KCNJ10: variants seen among roughly 807,000 people sequenced by gnomAD.
KCNJ10 encodes the protein potassium inwardly rectifying channel subfamily J member 10.
In KCNJ10, 9 loss-of-function variants were observed where a neutral mutation model predicts 22.2. The ratio of observed to expected loss-of-function variants is 0.40; its 90% confidence interval spans 0.24 to 0.71. The LOEUF (loss-of-function observed/expected upper bound fraction) is 0.71, where lower values mean the gene tolerates loss of function less well. Ranked by LOEUF, KCNJ10 falls within the 30% of genes least tolerant of loss-of-function variation. The pLI is 0.35. For synonymous variants in KCNJ10, 184 were observed against 187.3 expected (o/e 0.98, Z 0.15); for missense variants, 337 against 482.7 (o/e 0.70, Z 2.83).
intron 1 of KCNJ10, among the ~76,000 whole-genome samples, chr1:160,057,506 C>A (rs769643202): frequency 2.0e-5 from 3 of 152,328 alleles, no homozygotes; most frequent in East Asian, 1.9e-4. Context: ...TCTCAGCCTG[C>A]CAAGAGGTGG....
chr1:160,063,897 TATTATGTCATTTAATTCTCAACA>T (rs1335349506), intron 1 of KCNJ10, among the ~76,000 whole-genome samples: 1 of 152,272 alleles, frequency 6.6e-6, no homozygotes, highest in Non-Finnish European at 1.5e-5. Context: ...AGCCCTTTCC[TATTATGTCATTTAATTCTCAACA>T]ACTCTAAAGG....
In KCNJ10 at chr1:160,040,729, G is replaced by T. The variant is rs1020011282; in HGVS notation, c.*664C>A. 5.0e-6 allele frequency: 2 copies of T among 398,144 alleles called. No homozygotes were observed. Among genetic ancestry groups the T allele is most frequent in the Non-Finnish European group, 8.8e-6 (2 of 226,250 alleles). The allele number at this position is 398,144 out of a possible 1,614,324, so 24.7% of individuals were successfully genotyped here. A position where few individuals can be genotyped will look rare whatever the true frequency, so the allele number is the denominator to read the frequency against. On this transcript the variant is annotated 3_prime_UTR_variant, in exon 2 of 2. Transcript: ENST00000644903. The stretch of plus-strand genomic sequence containing the variant: ...TCTTGGGCCAACTCCAATTCTCTGA[G>T]AACAGAGGCTATGAGGGAACTGGGT...
At chr1:160,055,945 C>G (rs958351742) in intron 1 of KCNJ10, among the ~76,000 whole-genome samples, 10 of 152,174 alleles carry the variant, frequency 6.6e-5, no homozygotes, top group African/African-American at 2.4e-4. Context: ...TGGAGCATTC[C>G]AATTTTAACA....
At chr1:160,051,672 T>G (rs908774140) in intron 1 of KCNJ10, among the ~76,000 whole-genome samples, 2 of 151,846 alleles carry the variant, frequency 1.3e-5, no homozygotes, top group African/African-American at 4.8e-5. Context: ...ATGCCCAGGA[T>G]GTATCCAAGG....
At chr1:160,059,049 G>A (rs1478569659) in intron 1 of KCNJ10, among the ~76,000 whole-genome samples, 2 of 152,186 alleles carry the variant, frequency 1.3e-5, no homozygotes, top group Non-Finnish European at 1.5e-5. Flanking sequence ...TGTGCTGGAC[G>A]CTCCATGCCG....
intron 1 of KCNJ10, among the ~76,000 whole-genome samples, chr1:160,057,899 C>T (rs774051341): frequency 1.3e-4 from 20 of 151,934 alleles, no homozygotes; most frequent in Non-Finnish European, 2.5e-4. Flanking sequence ...AGGCTTGGAC[C>T]TAGGGGGTGG....
At chr1:160,052,719 A>C (rs1428703632) in intron 1 of KCNJ10, among the ~76,000 whole-genome samples, 2 of 152,032 alleles carry the variant, frequency 1.3e-5, no homozygotes, top group African/African-American at 4.8e-5. Context: ...GCCGATCTCA[A>C]CTCTGCCACT....
intron 1 of KCNJ10, among the ~76,000 whole-genome samples, chr1:160,051,590 A>C (rs779859419): frequency 5.9e-5 from 9 of 152,156 alleles, no homozygotes; most frequent in Non-Finnish European, 1.3e-4. Context: ...ACACTCAACA[A>C]GCAGAGATGA....
chr1:160,042,802 T>A (rs1648643724), intron 1 of KCNJ10, among the ~76,000 whole-genome samples: 1 of 152,028 alleles, frequency 6.6e-6, no homozygotes, highest in African/African-American at 2.4e-5. Flanking sequence ...CTGGGCATGG[T>A]GGCATGCGCC....
chr1:160,049,700 T>C (rs1648852430), intron 1 of KCNJ10, among the ~76,000 whole-genome samples: 1 of 126,670 alleles, frequency 7.9e-6, no homozygotes, highest in Non-Finnish European at 1.7e-5. Flanking sequence ...TATATATATA[T>C]ATATATATAT....
intron 1 of KCNJ10, among the ~76,000 whole-genome samples, chr1:160,049,675 TTATATATATATATATATATATATATA>T (rs57790887): frequency 4.9e-4 from 23 of 47,114 alleles, no homozygotes; most frequent in South Asian, 1.8e-3. Flanking sequence ...TTTTATTTAT[TTATATATATATATATATATATATATA>T]TATATATATA....
chr1:160,055,948 T>C (rs1316354348), intron 1 of KCNJ10, among the ~76,000 whole-genome samples: 4 of 152,174 alleles, frequency 2.6e-5, no homozygotes, highest in Non-Finnish European at 5.9e-5. Flanking sequence ...AGCATTCCAA[T>C]TTTAACATGT....
chr1:160,059,487 G>A (rs1649131795), intron 1 of KCNJ10, among the ~76,000 whole-genome samples: 1 of 152,128 alleles, frequency 6.6e-6, no homozygotes, highest in South Asian at 2.1e-4. Flanking sequence ...GCCAGTTTCT[G>A]TGGAGCCAAC....
At chr1:160,059,936 C>T (rs1357850081) in intron 1 of KCNJ10, among the ~76,000 whole-genome samples, 1 of 152,126 alleles carries the variant, frequency 6.6e-6, no homozygotes, top group African/African-American at 2.4e-5. Context: ...CAATTTCTTC[C>T]TATTTGTACC....
intron 1 of KCNJ10, among the ~76,000 whole-genome samples, chr1:160,044,213 CT>C (rs920011491): frequency 1.3e-5 from 2 of 152,224 alleles, no homozygotes; most frequent in African/African-American, 4.8e-5. Context: ...CCATTTGGAA[CT>C]TCCGTTCATG....
chr1:160,057,010 G>A (rs538524546), intron 1 of KCNJ10, among the ~76,000 whole-genome samples: 13 of 152,048 alleles, frequency 8.5e-5, no homozygotes, highest in South Asian at 4.2e-4. Flanking sequence ...CTCCTTTCCC[G>A]CTATTTGCCA....
At chr1:160,055,808 G>A (rs1429407152) in intron 1 of KCNJ10, among the ~76,000 whole-genome samples, 1 of 151,988 alleles carries the variant, frequency 6.6e-6, no homozygotes, top group African/African-American at 2.4e-5. Context: ...TGTTTCTCAG[G>A]AATCCATCCA....
At chr1:160,050,400 A>G (rs891375266) in intron 1 of KCNJ10, among the ~76,000 whole-genome samples, 5 of 151,836 alleles carry the variant, frequency 3.3e-5, no homozygotes, top group Non-Finnish European at 7.4e-5. Context: ...CCCTAAATGC[A>G]GAGATTACAA....
At chr1:160,044,037 C>T (rs942274271) in intron 1 of KCNJ10, among the ~76,000 whole-genome samples, 2 of 152,154 alleles carry the variant, frequency 1.3e-5, no homozygotes, top group Non-Finnish European at 1.5e-5. Context: ...CCCCACCCCC[C>T]ATCTCTATTT....
Sources: gnomAD v4.1 joint callset for allele counts (sites outside exome capture counted in the v4.1 genomes callset) on GRCh38, gnomAD v4.1.1 for gene constraint, MANE v1.5 for transcripts, NCBI Gene and HGNC (gene_info 2026-07-23, HGNC 2026-07-21) for gene names.